ACAD9: variants seen among roughly 807,000 people sequenced by gnomAD.
ACAD9 encodes the protein acyl-CoA dehydrogenase family member 9.
In ACAD9, 53 loss-of-function variants were observed where a neutral mutation model predicts 70.2. That is an observed-to-expected ratio of 0.75 (90% CI 0.61 to 0.95). The LOEUF (loss-of-function observed/expected upper bound fraction) is 0.95. Ranked by LOEUF, ACAD9 falls within the 40% of genes least tolerant of loss-of-function variation. ACAD9 has a pLI of 0.00. For synonymous variants in ACAD9, 313 were observed against 312.1 expected (o/e 1.00, Z -0.03); for missense variants, 777 against 802.8 (o/e 0.97, Z 0.39).
chr3:128,907,525 C>T (rs1242015476), intron 12 of ACAD9, among the ~76,000 whole-genome samples: 1 of 152,128 alleles, frequency 6.6e-6, no homozygotes, highest in Non-Finnish European at 1.5e-5. Flanking sequence ...CCAGGAGGCC[C>T]CTGCAGTCCC....
intron 13 of ACAD9, chr3:128,908,732 A>AGCT: frequency 1.7e-6 from 1 of 602,860 alleles, no homozygotes; most frequent in Non-Finnish European, 2.9e-6. Flanking sequence ...CACAGGAGAC[A>AGCT]GCTGCTGGGA....
chr3:128,903,369 A>C (rs1935797478), intron 9 of ACAD9, among the ~76,000 whole-genome samples: 1 of 152,154 alleles, frequency 6.6e-6, no homozygotes, highest in Non-Finnish European at 1.5e-5. Context: ...CCAAAATGAA[A>C]GCTGTCAGGC....
In ACAD9 at chr3:128,906,152, T is replaced by C. The variant is rs746383799; in HGVS notation, c.1181T>C (p.Val394Ala). 6.2e-7 allele frequency: 1 copy of C among 1,614,188 alleles called. No individual in the cohort carries two copies. Among genetic ancestry groups the C allele is most frequent in the Non-Finnish European group, 8.5e-7 (1 of 1,180,028 alleles). Residue 394 changes from valine to alanine, a missense_variant, in exon 12 of 18, where the codon GTG becomes GCG. Transcript: ENST00000308982. ...VFSSEAAWQCVSEALQILGGL... is the reference protein window; with the variant it reads ...VFSSEAAWQCASEALQILGGL... ...AGCTCCGAGGCCGCCTGGCAGTGTG[T>C]GAGTGAGGCGCTGCAGATCCTCGGG...
intron 2 of ACAD9, among the ~76,000 whole-genome samples, chr3:128,885,540 C>T (rs1247862952): frequency 1.3e-5 from 2 of 152,112 alleles, no homozygotes; most frequent in Admixed American, 1.3e-4. Context: ...TACAGGTGCG[C>T]ACCCCCATGC....
chr3:128,883,504 C>T (rs60564561), intron 1 of ACAD9, among the ~76,000 whole-genome samples: 3,155 of 152,060 alleles, frequency 0.021, 103 homozygotes, highest in African/African-American at 0.07. Flanking sequence ...ATTACAGGCG[C>T]GTGCTACCAA....
intron 2 of ACAD9, among the ~76,000 whole-genome samples, chr3:128,888,899 G>GT (rs34058924): frequency 7.9e-4 from 110 of 140,036 alleles, no homozygotes; most frequent in East Asian, 4.7e-3. Context: ...GGTTTGTCAG[G>GT]TTTTTTTTTT....
At chr3:128,904,168 C>T (rs757049551) in intron 10 of ACAD9, 36 bp downstream of exon 10, 1 of 1,607,454 alleles carries the variant, frequency 6.2e-7, no homozygotes, top group East Asian at 2.2e-5. Context: ...GTGCATTTCA[C>T]TGTGTGACAT....
intron 11 of ACAD9, 73 bp from the exon 12 acceptor site, chr3:128,906,048 T>A: frequency 6.2e-7 from 1 of 1,609,236 alleles, no homozygotes; most frequent in South Asian, 1.1e-5. Flanking sequence ...GTGCCTCCCA[T>A]GCCTCCCCAG....
chr3:128,894,153 C>T (rs1935499585), intron 3 of ACAD9, among the ~76,000 whole-genome samples: 1 of 152,198 alleles, frequency 6.6e-6, no homozygotes, highest in South Asian at 2.1e-4. Flanking sequence ...ATAGACCACA[C>T]ACATGTGTGC....
intron 2 of ACAD9, among the ~76,000 whole-genome samples, chr3:128,888,797 T>C (rs1345545189): frequency 6.6e-6 from 1 of 151,944 alleles, no homozygotes. Flanking sequence ...GAAATACTTA[T>C]TTCTGCTTTT....
chr3:128,897,677 A>C lies in ACAD9; in HGVS notation c.600A>C (p.Glu200Asp). The change falls in exon 6 of 18, where the codon GAA becomes GAC. Residue 200 changes from glutamate to aspartate, a missense_variant. Coordinates refer to ENST00000308982, the MANE Select transcript of ACAD9 (RefSeq NM_014049.5). ...TCCGGAGCAGAGCCACACTAAGTGA[A>C]GACAAGAAGCACTACATCCTCAATG... is the stretch of plus-strand genomic sequence containing the variant. ...ASIRSRATLSEDKKHYILNGS... is the reference protein window; with the variant it reads ...ASIRSRATLSDDKKHYILNGS... 1 of 1,613,918 alleles carries C rather than the reference A, an allele frequency of 6.2e-7. No homozygotes were observed. Among genetic ancestry groups the C allele is most frequent in the East Asian group, 2.2e-5 (1 of 44,872 alleles).
intron 7 of ACAD9, among the ~76,000 whole-genome samples, chr3:128,900,176 C>A (rs1474422521): frequency 6.6e-6 from 1 of 152,192 alleles, no homozygotes; most frequent in South Asian, 2.1e-4. Flanking sequence ...AGGCAGTCTA[C>A]CTGCCTCAGC....
intron 1 of ACAD9, 162 bp downstream of exon 1, chr3:128,880,003 C>G (rs1431891097): frequency 6.5e-7 from 1 of 1,548,932 alleles, no homozygotes; most frequent in African/African-American, 1.4e-5. Flanking sequence ...CCAGGAAAAC[C>G]TTCCCAGAGA....
intron 2 of ACAD9, among the ~76,000 whole-genome samples, chr3:128,891,911 G>A (rs550308472): frequency 1.3e-5 from 2 of 152,144 alleles, no homozygotes; most frequent in Non-Finnish European, 2.9e-5. Context: ...TGTTTATACT[G>A]TTTATTGAAT....
chr3:128,904,638 C>G, intron 11 of ACAD9, 133 bp downstream of exon 11: 2 of 1,434,540 alleles, frequency 1.4e-6, no homozygotes, highest in Non-Finnish European at 1.9e-6. Flanking sequence ...GATGCACTTG[C>G]CCTGTGTAGC....
intron 2 of ACAD9, among the ~76,000 whole-genome samples, chr3:128,890,660 C>T (rs538532035): frequency 3.7e-4 from 57 of 152,056 alleles, no homozygotes; most frequent in Admixed American, 2.1e-3. Context: ...CAAGATCGCA[C>T]CACTGCACTC....
chr3:128,893,589 C>A lies in ACAD9; in HGVS notation c.279C>A (p.Ile93=), dbSNP rs1288636238. 2 of 1,614,130 alleles carry A rather than the reference C, an allele frequency of 1.2e-6. No individual in the cohort carries two copies. Among genetic ancestry groups the A allele is most frequent in the Non-Finnish European group, 1.7e-6 (2 of 1,180,002 alleles). Residue 93 remains isoleucine, a synonymous_variant, in exon 3 of 18, where the codon ATC becomes ATA. Coordinates refer to ENST00000308982, the MANE Select transcript of ACAD9 (RefSeq NM_014049.5). The part of the protein sequence containing the change: ...DSRKIDQEGK[I]PDETLEKLKS... ...GAAAAATTGACCAGGAAGGGAAAATCCCAGATGAAACTTTGGAGAAATTGA... is the reference window on the plus strand; with the variant it reads ...GAAAAATTGACCAGGAAGGGAAAATACCAGATGAAACTTTGGAGAAATTGA...
intron 17 of ACAD9, 97 bp downstream of exon 17, chr3:128,910,910 GCT>G (rs1936224981): frequency 2.1e-6 from 3 of 1,420,250 alleles, no homozygotes; most frequent in Non-Finnish European, 3.0e-6. Flanking sequence ...CCCAGAGCCT[GCT>G]AGCTACTCAC....
chr3:128,898,560 ACT>A, intron 6 of ACAD9: 1 of 342,664 alleles, frequency 2.9e-6, no homozygotes, highest in South Asian at 2.1e-5. Context: ...CACACAGCTA[ACT>A]CTTTGTATTT....
Sources: allele counts gnomAD v4.1 joint callset (sites outside exome capture counted in the v4.1 genomes callset), GRCh38; gene constraint gnomAD v4.1.1; transcripts MANE v1.5; gene names NCBI Gene and HGNC (gene_info 2026-07-23, HGNC 2026-07-21).